Variants in RASGEF1C observed in about 807,000 individuals in gnomAD.
RASGEF1C encodes the protein RasGEF domain family member 1C, also known as ras-GEF domain-containing family member 1C.
Under a neutral mutation model 58.1 loss-of-function variants are expected in RASGEF1C, and 27 were observed. The observed-to-expected ratio is 0.46, with a 90% confidence interval of 0.34 to 0.64. The LOEUF (loss-of-function observed/expected upper bound fraction) is 0.64. Among genes scored for constraint, RASGEF1C ranks in the 30% least tolerant of loss-of-function variants. RASGEF1C has a pLI of 0.01. For synonymous variants in RASGEF1C, 243 were observed against 246.3 expected (o/e 0.99, Z 0.13); for missense variants, 502 against 605.1 (o/e 0.83, Z 1.79).
intron 1 of RASGEF1C, among the ~76,000 whole-genome samples, chr5:180,181,470 CTGGAG>C (rs941825829): frequency 1.4e-4 from 22 of 152,260 alleles, no homozygotes; most frequent in Admixed American, 6.5e-4. Flanking sequence ...GGAGGCCACA[CTGGAG>C]TGGAGTGGAG....
At chr5:180,119,027 G>A (rs1284809140) in intron 8 of RASGEF1C, among the ~76,000 whole-genome samples, 161 bp from the exon 9 acceptor site, 1 of 152,206 alleles carries the variant, frequency 6.6e-6, no homozygotes, top group African/African-American at 2.4e-5. Context: ...ATCATGGTCA[G>A]GTAGGCCTGC....
At chr5:180,127,823 A>G (rs1766289795) in intron 5 of RASGEF1C, 140 bp from the exon 6 acceptor site, 2 of 744,334 alleles carry the variant, frequency 2.7e-6, no homozygotes, top group Admixed American at 3.2e-5. Flanking sequence ...TGGGGCTTGG[A>G]GACCCTGTTT....
At position 180,156,141 on chromosome 5, in the gene RASGEF1C, G is replaced by A. The variant is rs1766844429; in HGVS notation, c.-6-18083C>T. Among the ~76,000 whole-genome samples the A allele has an allele frequency of 6.6e-6, 1 of 152,144 alleles. No homozygotes were observed. Among genetic ancestry groups the A allele is most frequent in the Non-Finnish European group, 1.5e-5 (1 of 68,022 alleles). On this transcript the variant is annotated intron_variant, in intron 1 of 13. Coordinates refer to ENST00000361132, the MANE Select transcript of RASGEF1C (RefSeq NM_175062.4). This position sits in a 1 kb window ranked among gnomAD's most constrained non-coding sequence, Gnocchi z 4.9. ...TAGACAAGACCATGCTGACTTTTGT[G>A]CTAATTGTTCCCTTACTTTTCTTTG... is the stretch of plus-strand genomic sequence containing the variant.
intron 6 of RASGEF1C, among the ~76,000 whole-genome samples, chr5:180,124,552 C>A (rs1325782076): frequency 6.6e-6 from 1 of 152,154 alleles, no homozygotes; most frequent in Admixed American, 6.5e-5. Flanking sequence ...CAGCCTGGCG[C>A]AGTGGCTCAC....
At chr5:180,160,991 C>T (rs962172995) in intron 1 of RASGEF1C, among the ~76,000 whole-genome samples, 1 of 152,224 alleles carries the variant, frequency 6.6e-6, no homozygotes, top group African/African-American at 2.4e-5. Flanking sequence ...GCATTTGGCA[C>T]AGCCCTGGAA....
chr5:180,109,364 A>T (rs1050195078), intron 12 of RASGEF1C, among the ~76,000 whole-genome samples: 1 of 152,188 alleles, frequency 6.6e-6, no homozygotes, highest in Non-Finnish European at 1.5e-5. Context: ...AGGCTGAGGC[A>T]GGAGAATGTC....
intron 10 of RASGEF1C, among the ~76,000 whole-genome samples, chr5:180,116,672 A>G (rs1450172401): frequency 6.6e-6 from 1 of 152,252 alleles, no homozygotes; most frequent in Non-Finnish European, 1.5e-5. Flanking sequence ...CCTGCCCCAC[A>G]GCCCCCGTGT....
intron 1 of RASGEF1C, among the ~76,000 whole-genome samples, chr5:180,138,861 A>G (rs1375829249): frequency 1.3e-5 from 2 of 151,810 alleles, no homozygotes; most frequent in Non-Finnish European, 2.9e-5. Context: ...AGGCTCTCCC[A>G]CCATCTTCAC....
intron 1 of RASGEF1C, among the ~76,000 whole-genome samples, chr5:180,174,597 TGTGTG>T (rs1381485627): frequency 1.1e-4 from 16 of 143,438 alleles, no homozygotes; most frequent in African/African-American, 3.6e-4. Context: ...CGTGTGTGTG[TGTGTG>T]CACGCATGTG....
chr5:180,175,320 G>A (rs1459658044), intron 1 of RASGEF1C, among the ~76,000 whole-genome samples: 2 of 152,232 alleles, frequency 1.3e-5, no homozygotes, highest in African/African-American at 4.8e-5. Context: ...CCAGACGCCA[G>A]AGGAGCTTCT....
At chr5:180,176,974 CT>C (rs1561752474) in intron 1 of RASGEF1C, among the ~76,000 whole-genome samples, 2 of 152,222 alleles carry the variant, frequency 1.3e-5, no homozygotes, top group Non-Finnish European at 2.9e-5. Context: ...ATGTCTCCCC[CT>C]GGCATAACCC....
intron 6 of RASGEF1C, among the ~76,000 whole-genome samples, chr5:180,123,659 G>C (rs1296691748): frequency 6.6e-6 from 1 of 151,656 alleles, no homozygotes; most frequent in Non-Finnish European, 1.5e-5. Flanking sequence ...ACTAGAAAAA[G>C]AATAACAGTA....
At chr5:180,108,144 G>A (rs573654160) in intron 12 of RASGEF1C, among the ~76,000 whole-genome samples, 2 of 151,438 alleles carry the variant, frequency 1.3e-5, no homozygotes, top group East Asian at 3.9e-4. Context: ...ATGAGTGTGG[G>A]ATCTTTGGTT....
intron 4 of RASGEF1C, among the ~76,000 whole-genome samples, chr5:180,132,436 T>C (rs1373439392): frequency 2.0e-5 from 3 of 152,216 alleles, no homozygotes; most frequent in Non-Finnish European, 4.4e-5. Flanking sequence ...AGATGAGCAC[T>C]GGCCTTTGTT....
chr5:180,120,257 C>T (rs571618867), intron 7 of RASGEF1C, among the ~76,000 whole-genome samples: 1 of 152,318 alleles, frequency 6.6e-6, no homozygotes, highest in Non-Finnish European at 1.5e-5. Flanking sequence ...CCAAGGCTGG[C>T]CCTGTCCTTT....
chr5:180,168,896 C>T lies in RASGEF1C; in HGVS notation c.-6-30838G>A, dbSNP rs1042311098. Among the ~76,000 whole-genome samples, 5 of 152,172 alleles carry T rather than the reference C, an allele frequency of 3.3e-5. No individual in the cohort carries two copies. The highest frequency in any genetic ancestry group is 2.1e-4 in the South Asian group (1 of 4,832). ...GGAGTTCACTGTCAGTGCTGATGTC[C>T]GTCCAGGTTCCATGCTGCCCTGAGT... On this transcript the variant is annotated intron_variant, in intron 1 of 13. Coordinates refer to ENST00000361132, the MANE Select transcript of RASGEF1C (RefSeq NM_175062.4). This position sits in a 1 kb window ranked among gnomAD's most constrained non-coding sequence, Gnocchi z 6.0.
rs539681884 is a variant in RASGEF1C, at chr5:180,121,731, A to T, written c.715-582T>A. Among the ~76,000 whole-genome samples the T allele has an allele frequency of 3.3e-5, 5 of 151,604 alleles. No homozygotes were observed. The South Asian group carries it at 8.3e-4, about 25-fold the overall frequency. ...TTTGCAAATTTGCCTGCTCTCTAAA[A>T]TGTATTCGTAACCCCAAAAACTTGT... On this transcript the variant is annotated intron_variant, in intron 6 of 13. Coordinates refer to ENST00000361132, the MANE Select transcript of RASGEF1C (RefSeq NM_175062.4).
chr5:180,140,870 C>T (rs993669142), intron 1 of RASGEF1C, among the ~76,000 whole-genome samples: 2 of 152,208 alleles, frequency 1.3e-5, no homozygotes, highest in South Asian at 2.1e-4. Flanking sequence ...CGGGGGGCAA[C>T]GTGGTGTGAT....
chr5:180,199,623 AT>A (rs1192363826), intron 1 of RASGEF1C, among the ~76,000 whole-genome samples: 2 of 152,134 alleles, frequency 1.3e-5, no homozygotes, highest in African/African-American at 4.8e-5. Context: ...GTGTCAGCTT[AT>A]TCAAAATTCA....
Sources: allele counts gnomAD v4.1 joint callset (sites outside exome capture counted in the v4.1 genomes callset), GRCh38; gene constraint gnomAD v4.1.1; non-coding constraint Gnocchi (gnomAD v3.1); transcripts MANE v1.5; gene names NCBI Gene and HGNC (gene_info 2026-07-23, HGNC 2026-07-21).